PRKN: variants seen among roughly 807,000 people sequenced by gnomAD.
PRKN encodes the protein E3 ubiquitin-protein ligase parkin.
In PRKN, 56 loss-of-function variants were observed where a neutral mutation model predicts 59.5. That is an observed-to-expected ratio of 0.94 (90% confidence interval 0.76 to 1.18). The LOEUF is 1.18. Ranked by LOEUF, PRKN falls within the 50% of genes most tolerant of loss-of-function variation. PRKN has a pLI of 0.00. For synonymous variants in PRKN, 250 were observed against 222.1 expected (o/e 1.13, Z -1.12); for missense variants, 657 against 596.4 (o/e 1.10, Z -1.06).
intron 1 of PRKN, among the ~76,000 whole-genome samples, chr6:162,546,720 A>G (rs1169362468): frequency 6.6e-6 from 1 of 152,162 alleles, no homozygotes; most frequent in Admixed American, 6.5e-5. Flanking sequence ...CTGGGATTAC[A>G]GGCGTGAGCC....
rs371869560 is a variant in PRKN, at chr6:162,440,984, C to G, written c.171+2326G>C. On this transcript the variant is annotated intron_variant, in intron 2 of 11. Coordinates refer to ENST00000366898, the MANE Select transcript of PRKN (RefSeq NM_004562.3). ...TACATGTGTAACTTCCTAGTCTTTACAGTGAAACTCTTCTATGAACAAAGT... is the reference window on the plus strand; with the variant it reads ...TACATGTGTAACTTCCTAGTCTTTAGAGTGAAACTCTTCTATGAACAAAGT... Among the ~76,000 whole-genome samples the G allele has an allele frequency of 5.5e-4, 83 of 152,178 alleles. 3 individuals carry two copies. The South Asian group carries it at 0.016, about 30-fold the overall frequency.
intron 3 of PRKN, among the ~76,000 whole-genome samples, chr6:162,249,699 A>C (rs758037659): frequency 3.9e-5 from 6 of 152,178 alleles, no homozygotes; most frequent in Non-Finnish European, 8.8e-5. Context: ...ATCTGGGTCA[A>C]ATTATATGGC....
At chr6:161,669,049 G>A (rs148590430) in intron 7 of PRKN, among the ~76,000 whole-genome samples, 3 of 152,286 alleles carry the variant, frequency 2.0e-5, no homozygotes, top group Non-Finnish European at 4.4e-5. Context: ...GTGGAGTGTG[G>A]AGCCCTCATC....
At chr6:162,159,187 C>T (rs886373516) in intron 4 of PRKN, among the ~76,000 whole-genome samples, 4 of 150,878 alleles carry the variant, frequency 2.7e-5, no homozygotes, top group Non-Finnish European at 4.4e-5. Context: ...ATCTTCTTAT[C>T]GTAAATACTG....
At chr6:161,567,627 T>C (rs1780706220) in intron 8 of PRKN, among the ~76,000 whole-genome samples, 1 of 152,138 alleles carries the variant, frequency 6.6e-6, no homozygotes, top group African/African-American at 2.4e-5. Context: ...ATTGCTCTGA[T>C]GCACTATATT....
chr6:162,630,021 T>G (rs1783043789), intron 1 of PRKN, among the ~76,000 whole-genome samples: 1 of 152,166 alleles, frequency 6.6e-6, no homozygotes, highest in Admixed American at 6.6e-5. Flanking sequence ...GGGCCAGGAT[T>G]ATGACTGATT....
chr6:161,507,798 A>T (rs553061191), intron 9 of PRKN, among the ~76,000 whole-genome samples: 4 of 152,186 alleles, frequency 2.6e-5, no homozygotes, highest in Admixed American at 6.5e-5. Flanking sequence ...TCAGTAAACT[A>T]TATTTTCATA....
At chr6:162,491,467 C>A (rs961939067) in intron 1 of PRKN, among the ~76,000 whole-genome samples, 2 of 152,202 alleles carry the variant, frequency 1.3e-5, no homozygotes, top group Non-Finnish European at 2.9e-5. Flanking sequence ...ACCCTACAAC[C>A]TTTAGTCCAC....
chr6:162,432,292 C>T lies in PRKN; in HGVS notation c.171+11018G>A, dbSNP rs140977501. ...CCTGTAATCTCAGCACTTTGGGAGG[C>T]CGAGGCAGACGGATCATGAGGTCAG... On this transcript the variant is annotated intron_variant, in intron 2 of 11. Transcript: ENST00000366898. Among the ~76,000 whole-genome samples the T allele has an allele frequency of 2.8e-3, 424 of 152,192 alleles. 2 individuals are homozygous for T. Among genetic ancestry groups the T allele is most frequent in the African/African-American group, 9.8e-3 (406 of 41,518 alleles).
chr6:161,819,027 G>A (rs1010108700), intron 6 of PRKN, among the ~76,000 whole-genome samples: 1 of 152,140 alleles, frequency 6.6e-6, no homozygotes, highest in Non-Finnish European at 1.5e-5. Flanking sequence ...AACGCACTGC[G>A]GTTATGTTCT....
At chr6:162,716,004 A>G (rs1778706311) in intron 1 of PRKN, among the ~76,000 whole-genome samples, 1 of 152,206 alleles carries the variant, frequency 6.6e-6, no homozygotes, top group African/African-American at 2.4e-5. Flanking sequence ...TATTATTGTC[A>G]ATGGTTACTT....
At chr6:161,990,514 C>A (rs957871460) in intron 5 of PRKN, among the ~76,000 whole-genome samples, 1 of 152,030 alleles carries the variant, frequency 6.6e-6, no homozygotes, top group Admixed American at 6.5e-5. Flanking sequence ...ATCAGAAAAA[C>A]AATTCATGAT....
At chr6:161,864,069 T>G (rs73603137) in intron 6 of PRKN, among the ~76,000 whole-genome samples, 6,124 of 152,248 alleles carry the variant, frequency 0.04, 442 homozygotes, top group African/African-American at 0.14. Flanking sequence ...TGCTGAAGAT[T>G]GGGGTGACTA....
At chr6:161,381,895 G>A (rs995060893) in intron 10 of PRKN, among the ~76,000 whole-genome samples, 3 of 151,850 alleles carry the variant, frequency 2.0e-5, no homozygotes, top group Non-Finnish European at 2.9e-5. Flanking sequence ...GGTGGATCAC[G>A]AGGTCAGGAG....
rs115189712 is a variant in PRKN at position 161,578,691 on chromosome 6, T to G, written c.872-9275A>C. On this transcript the variant is annotated intron_variant, in intron 7 of 11. Coordinates refer to ENST00000366898, the MANE Select transcript of PRKN (RefSeq NM_004562.3). The surrounding 1 kb of genome is among the most constrained non-coding windows in gnomAD (Gnocchi z 4.2). ...TGACTGTCCACACGATGGTGTCACT[T>G]CCTGCACTAGATCTAATCAGCGCTG... Among the ~76,000 whole-genome samples the G allele has an allele frequency of 8.2e-3, 1,252 of 152,328 alleles. 14 individuals carry two copies. The highest frequency in any genetic ancestry group is 0.028 in the African/African-American group (1,179 of 41,576).
intron 2 of PRKN, among the ~76,000 whole-genome samples, chr6:162,290,928 T>C (rs1288156127): frequency 1.3e-5 from 2 of 152,190 alleles, no homozygotes; most frequent in African/African-American, 4.8e-5. Context: ...AAGTGCTCAC[T>C]TTCATAGCTT....
Position 161,736,144 on chromosome 6 carries a change from T to C in PRKN, c.871+49628A>G, listed in dbSNP as rs1787955225. ...TGCTGTTCACTGAAGTCTAAGCCTG[T>C]ACAATGTGTAAGGGACGTACAAAAC... is the stretch of plus-strand genomic sequence containing the variant. On this transcript the variant is annotated intron_variant, in intron 7 of 11. Transcript: ENST00000366898. Among the ~76,000 whole-genome samples the C allele has an allele frequency of 2.0e-5, 3 of 152,300 alleles. No individual in the cohort carries two copies. In the East Asian group the frequency reaches 5.8e-4, roughly 30 times the overall value.
intron 1 of PRKN, among the ~76,000 whole-genome samples, chr6:162,565,906 G>T (rs1364599889): frequency 6.6e-6 from 1 of 151,766 alleles, no homozygotes; most frequent in African/African-American, 2.4e-5. Context: ...TATGCTAATG[G>T]AAAACAAAAA....
chr6:161,622,161 G>C (rs1233236586), intron 7 of PRKN, among the ~76,000 whole-genome samples: 2 of 152,124 alleles, frequency 1.3e-5, no homozygotes, highest in Non-Finnish European at 2.9e-5. Flanking sequence ...CAGATGGGGG[G>C]CTGCCCTCTA....
Sources: gnomAD v4.1 joint callset for allele counts (sites outside exome capture counted in the v4.1 genomes callset) on GRCh38, gnomAD v4.1.1 for gene constraint, Gnocchi (gnomAD v3.1) non-coding constraint, MANE v1.5 for transcripts, NCBI Gene and HGNC (gene_info 2026-07-23, HGNC 2026-07-21) for gene names.